FAXDC2: variants seen among roughly 807,000 people sequenced by gnomAD.
FAXDC2 encodes the protein fatty acid hydroxylase domain-containing protein 2.
Under a neutral mutation model 40.9 loss-of-function variants are expected in FAXDC2, and 41 were observed. The ratio of observed to expected loss-of-function variants is 1.00; its 90% CI spans 0.78 to 1.30. The LOEUF (loss-of-function observed/expected upper bound fraction) is 1.30. FAXDC2 is among the 50% of genes most tolerant of loss of function. FAXDC2 has a pLI of 0.00. For synonymous variants in FAXDC2, 157 were observed against 149.3 expected, an observed-to-expected ratio of 1.05 and a Z score of -0.38; for missense variants, 390 against 408.8, an observed-to-expected ratio of 0.95 and a Z score of 0.40.
chr5:154,845,078 T>C (rs1158967269), intron 1 of FAXDC2, among the ~76,000 whole-genome samples: 1 of 152,260 alleles, frequency 6.6e-6, no homozygotes, highest in Non-Finnish European at 1.5e-5. Flanking sequence ...TCATTTATTC[T>C]TTAGTTACGC....
Position 154,837,283 on chromosome 5 carries a change from TTTTGTTTGTTTG to T in FAXDC2, c.48+836_48+847del, listed in dbSNP as rs563450749. ...GAGGAACTTGCTCTTTTTTTTGTTTTTTTGTTTGTTTGTTTGTTTGTTTGTTTTTGAGCCAAT... is the reference window on the plus strand; with the variant it reads ...GAGGAACTTGCTCTTTTTTTTGTTTTTTTGTTTGTTTGTTTTTGAGCCAAT... On this transcript the variant is annotated intron_variant, in intron 2 of 8. Transcript: ENST00000326080. 3.2e-3 allele frequency among the ~76,000 whole-genome samples: 484 copies of T among 152,132 alleles called. 3 individuals are homozygous for T. Among genetic ancestry groups the T allele is most frequent in the African/African-American group, 0.011 (470 of 41,512 alleles).
At chr5:154,834,984 C>T (rs766553487) in intron 2 of FAXDC2, 50 bp from the exon 3 acceptor site, 19 of 1,148,514 alleles carry the variant, frequency 1.7e-5, no homozygotes, top group Non-Finnish European at 2.3e-5. Flanking sequence ...CCTGCCTTTA[C>T]ACCCAGCTCA....
At chr5:154,844,708 TATAA>T (rs1354310252) in intron 1 of FAXDC2, among the ~76,000 whole-genome samples, 1 of 152,190 alleles carries the variant, frequency 6.6e-6, no homozygotes, top group Non-Finnish European at 1.5e-5. Context: ...GGGTATAAAG[TATAA>T]ATAAACAGAA....
intron 5 of FAXDC2, among the ~76,000 whole-genome samples, chr5:154,826,255 C>T (rs796773621): frequency 3.3e-5 from 5 of 152,074 alleles, no homozygotes; most frequent in African/African-American, 1.2e-4. Context: ...GAGCCGGGCG[C>T]GGTGGCTCAT....
At chr5:154,825,840 C>G (rs1278976925) in intron 5 of FAXDC2, among the ~76,000 whole-genome samples, 1 of 151,888 alleles carries the variant, frequency 6.6e-6, no homozygotes, top group Non-Finnish European at 1.5e-5. Flanking sequence ...TCAAGAATGA[C>G]TCCAAGGTTT....
intron 8 of FAXDC2, 100 bp downstream of exon 8, chr5:154,821,160 C>T: frequency 1.0e-6 from 1 of 992,174 alleles, no homozygotes. Flanking sequence ...CCAACTAGCA[C>T]TCACATGTAA....
rs187297301 is a variant in FAXDC2, at chr5:154,842,442, G to A, written c.1-4264C>T. Among the ~76,000 whole-genome samples the A allele has an allele frequency of 2.1e-4, 31 of 144,978 alleles. No homozygotes were observed. The East Asian group carries it at 6.0e-3, about 28-fold the overall frequency. ...GCTGGTCTCTAACTCCTGGCCTTGT[G>A]ATCCACCCGCCTCGACCTCCCAAAG... On this transcript the variant is annotated intron_variant, in intron 1 of 8. Transcript: ENST00000326080.
In FAXDC2 at chr5:154,830,633, T is replaced by C. The variant is rs1218581265; in HGVS notation, c.366+168A>G. 7 of 676,506 alleles carry C rather than the reference T, an allele frequency of 1.0e-5. No individual in the cohort carries two copies. The Admixed American group carries it at 1.9e-4, about 19-fold the overall frequency. The allele number at this position is 676,506 out of a possible 1,614,324, so 41.9% of individuals were successfully genotyped here. The stretch of plus-strand genomic sequence containing the variant: ...GCCACTAGCTGAGTGACTCTGAGGT[T>C]GTGGGCAAATTATTTCCTCTCTTTA... On this transcript the variant is annotated intron_variant, in intron 5 of 8. Transcript: ENST00000326080.
chr5:154,824,286 C>T, intron 5 of FAXDC2: 2 of 590,326 alleles, frequency 3.4e-6, no homozygotes, highest in Admixed American at 5.9e-5. Flanking sequence ...TTTGACCCTT[C>T]CCTTTGTCAG....
chr5:154,834,618 A>G lies in FAXDC2; in HGVS notation c.244+7T>C. 6.3e-7 allele frequency: 1 copy of G among 1,582,200 alleles called. No individual in the cohort carries two copies. The highest frequency in any genetic ancestry group is 8.7e-7 in the Non-Finnish European group (1 of 1,150,888). Reference sequence around the variant, plus strand: ...CATGCTAGGTGCTGGTGGTCTGGGAACCTCACCTATAAAGAAGAGGATCCA... The same window carrying G: ...CATGCTAGGTGCTGGTGGTCTGGGAGCCTCACCTATAAAGAAGAGGATCCA... On this transcript the variant is annotated splice_region_variant and intron_variant, in intron 4 of 8. Transcript: ENST00000326080.
chr5:154,840,643 A>G (rs1760455663), intron 1 of FAXDC2, among the ~76,000 whole-genome samples: 1 of 152,054 alleles, frequency 6.6e-6, no homozygotes. Flanking sequence ...TCCTAGACTC[A>G]TGCAATTCTC....
chr5:154,834,347 T>G (rs934127707), intron 4 of FAXDC2, among the ~76,000 whole-genome samples: 3 of 152,150 alleles, frequency 2.0e-5, no homozygotes, highest in African/African-American at 7.2e-5. Context: ...AGAAACAGGA[T>G]TATTGCTCTA....
At chr5:154,835,528 CCCT>C (rs1453069924) in intron 2 of FAXDC2, among the ~76,000 whole-genome samples, 1 of 152,198 alleles carries the variant, frequency 6.6e-6, no homozygotes, top group African/African-American at 2.4e-5. Context: ...TCCATCCCTA[CCCT>C]CCTCTTATTT....
At chr5:154,848,235 T>C (rs1760650487) in intron 1 of FAXDC2, among the ~76,000 whole-genome samples, 1 of 152,204 alleles carries the variant, frequency 6.6e-6, no homozygotes, top group South Asian at 2.1e-4. Context: ...GACAATTTAC[T>C]CTTAGAGGGG....
chr5:154,820,781 C>T (rs922422708), intron 8 of FAXDC2: 18 of 283,912 alleles, frequency 6.3e-5, no homozygotes, highest in African/African-American at 3.6e-4. Context: ...CATCAGAATC[C>T]CCTGGAACAC....
At chr5:154,834,583 C>T in intron 4 of FAXDC2, 42 bp downstream of exon 4, 1 of 1,290,304 alleles carries the variant, frequency 7.8e-7, no homozygotes, top group East Asian at 2.3e-5. Context: ...AAGTTATAAT[C>T]ATGCACCCAC....
intron 1 of FAXDC2, among the ~76,000 whole-genome samples, chr5:154,846,268 TAG>T (rs1491376334): frequency 7.9e-4 from 94 of 118,284 alleles, no homozygotes; most frequent in Non-Finnish European, 8.8e-4. Context: ...GTGAACTAGA[TAG>T]TGTGTGTGTG....
intron 1 of FAXDC2, among the ~76,000 whole-genome samples, chr5:154,845,835 G>T (rs1324238160): frequency 6.6e-6 from 1 of 150,826 alleles, no homozygotes; most frequent in Non-Finnish European, 1.5e-5. Context: ...TGCCAGGCTG[G>T]AGTGCAGTGG....
rs988206586 is a variant in FAXDC2, at chr5:154,819,777, C to T, written c.*539G>A. On this transcript the variant is annotated 3_prime_UTR_variant, in exon 9 of 9. Transcript: ENST00000326080. ...GTGTGTTGGGTGAAGTGGCGACTGG[C>T]ATCTGGTATGTCATGAATTGAGACC... 6.5e-6 allele frequency: 1 copy of T among 153,300 alleles called. No homozygotes were observed. Among genetic ancestry groups the T allele is most frequent in the African/African-American group, 2.4e-5 (1 of 41,450 alleles). 9.5% of individuals were successfully genotyped at this position (153,300 alleles called of 1,614,324 possible).
Sources: gnomAD v4.1 joint callset for allele counts (sites outside exome capture counted in the v4.1 genomes callset) on GRCh38, gnomAD v4.1.1 for gene constraint, MANE v1.5 for transcripts, NCBI Gene and HGNC (gene_info 2026-07-23, HGNC 2026-07-21) for gene names.